HNMT: variants seen among roughly 807,000 people sequenced by gnomAD.
HNMT encodes the protein histamine N-methyltransferase.
In HNMT, 30 loss-of-function variants were observed where a neutral mutation model predicts 32.1. The ratio of observed to expected loss-of-function variants is 0.93; its 90% CI spans 0.70 to 1.27. The LOEUF is 1.27. Ranked by LOEUF, HNMT falls within the 50% of genes most tolerant of loss-of-function variation. The pLI, the probability that HNMT is intolerant of heterozygous loss-of-function variation, is 0.00. For synonymous variants in HNMT, 125 were observed against 119.0 expected (o/e 1.05, Z -0.33); for missense variants, 327 against 346.0 (o/e 0.95, Z 0.43).
chr2:138,013,111 G>T (rs1224235373), intron 5 of HNMT, among the ~76,000 whole-genome samples: 2 of 152,108 alleles, frequency 1.3e-5, no homozygotes, highest in Non-Finnish European at 2.9e-5. Flanking sequence ...TAAAATTCAG[G>T]TCTTCAGTAA....
chr2:137,994,504 G>C (rs1438655809), intron 2 of HNMT, among the ~76,000 whole-genome samples: 1 of 152,114 alleles, frequency 6.6e-6, no homozygotes, highest in African/African-American at 2.4e-5. Context: ...CCCTATACAA[G>C]AGCACCCAGA....
At chr2:137,985,080 T>C (rs968184356) in intron 2 of HNMT, among the ~76,000 whole-genome samples, 32 of 152,176 alleles carry the variant, frequency 2.1e-4, no homozygotes, top group African/African-American at 7.7e-4. Context: ...AATTTTATAA[T>C]GACAGACCAG....
At chr2:137,973,279 T>C (rs561386127) in intron 2 of HNMT, among the ~76,000 whole-genome samples, 1 of 152,326 alleles carries the variant, frequency 6.6e-6, no homozygotes, top group African/African-American at 2.4e-5. Context: ...TGAGTGCTCA[T>C]GTAGCAACTG....
intron 2 of HNMT, among the ~76,000 whole-genome samples, chr2:137,973,949 G>C (rs2104931311): frequency 6.6e-6 from 1 of 152,220 alleles, no homozygotes; most frequent in African/African-American, 2.4e-5. Context: ...CTTCAGTTTA[G>C]ATGCGAAGCA....
Position 138,015,912 on chromosome 2 carries a change from C to T in HNMT, c.*1782C>T, listed in dbSNP as rs1469909633. ...GGCCTTTTTCTCGTCCTTATTAAAC[C>T]CTTAGTATACAAGGATAAATAAATT... On this transcript the variant is annotated 3_prime_UTR_variant, in exon 6 of 6. Coordinates refer to ENST00000280097, the MANE Select transcript of HNMT (RefSeq NM_006895.3). 6.6e-6 allele frequency: 1 copy of T among 152,018 alleles called. No homozygotes were observed. 9.4% of individuals were successfully genotyped at this position (152,018 alleles called of 1,614,324 possible).
chr2:138,002,246 T>C, intron 4 of HNMT, 52 bp downstream of exon 4: 1 of 1,241,644 alleles, frequency 8.1e-7, no homozygotes, highest in East Asian at 2.8e-5. Flanking sequence ...TTTCAGAATA[T>C]ATATATAATG....
At chr2:137,995,766 C>G (rs1324150564) in intron 2 of HNMT, among the ~76,000 whole-genome samples, 1 of 152,048 alleles carries the variant, frequency 6.6e-6, no homozygotes, top group African/African-American at 2.4e-5. Flanking sequence ...GGAAAATCCT[C>G]AATAAAATAC....
Position 138,008,127 on chromosome 2 carries a change from C to T in HNMT, c.523+2902C>T, listed in dbSNP as rs533239279. ...TACCCAATAATAATCTTTTCTGCTCCTCTTTCTCCCCCCACCCTCCATCCT... is the reference window on the plus strand; with the variant it reads ...TACCCAATAATAATCTTTTCTGCTCTTCTTTCTCCCCCCACCCTCCATCCT... On this transcript the variant is annotated intron_variant, in intron 5 of 5. Transcript: ENST00000280097. 3.9e-5 allele frequency among the ~76,000 whole-genome samples: 6 copies of T among 152,096 alleles called. No individual in the cohort carries two copies. The South Asian group carries it at 1.0e-3, about 26-fold the overall frequency.
chr2:137,992,910 A>C (rs1680867373), intron 2 of HNMT, among the ~76,000 whole-genome samples: 1 of 152,128 alleles, frequency 6.6e-6, no homozygotes, highest in Admixed American at 6.6e-5. Flanking sequence ...ATAGGTCCTG[A>C]AGTGAACCCC....
chr2:138,013,983 G>A lies in HNMT; in HGVS notation c.732G>A (p.Leu244=), dbSNP rs906478941. 2.5e-6 allele frequency: 4 copies of A among 1,613,534 alleles called. No individual in the cohort carries two copies. The highest frequency in any genetic ancestry group is 1.7e-6 in the Non-Finnish European group (2 of 1,179,794). Residue 244 remains leucine (L), a synonymous_variant, in exon 6 of 6, where the codon TTG becomes TTA. Coordinates refer to ENST00000280097, the MANE Select transcript of HNMT (RefSeq NM_006895.3). Reference sequence around the variant, plus strand: ...ATGGAGACCTGCTTTGGGATTTTTTGACTGAAACCTGCAACTTTAATGCCA... The same window carrying A: ...ATGGAGACCTGCTTTGGGATTTTTTAACTGAAACCTGCAACTTTAATGCCA... The part of the protein sequence containing the change: ...NENGDLLWDF[L]TETCNFNATA...
chr2:137,994,069 T>A (rs1286471272), intron 2 of HNMT, among the ~76,000 whole-genome samples: 1 of 151,784 alleles, frequency 6.6e-6, no homozygotes, highest in Non-Finnish European at 1.5e-5. Flanking sequence ...CAAAAACACA[T>A]CAAAATATAA....
In HNMT at chr2:137,993,618, A is replaced by G. The variant is rs188097927; in HGVS notation, c.191-7300A>G. Among the ~76,000 whole-genome samples the G allele has an allele frequency of 6.6e-3, 1,006 of 152,348 alleles. 4 individuals are homozygous for G. Among genetic ancestry groups the G allele is most frequent in the Non-Finnish European group, 0.012 (784 of 68,032 alleles). On this transcript the variant is annotated intron_variant, in intron 2 of 5. Transcript: ENST00000280097. Reference sequence around the variant, plus strand: ...GAAAACACACTTCAGGATATTATCCAGGAGAACTTCCTCAATCTAGCAAGA... The same window carrying G: ...GAAAACACACTTCAGGATATTATCCGGGAGAACTTCCTCAATCTAGCAAGA...
At chr2:137,996,592 C>G (rs1361996729) in intron 2 of HNMT, among the ~76,000 whole-genome samples, 1 of 152,196 alleles carries the variant, frequency 6.6e-6, no homozygotes, top group Non-Finnish European at 1.5e-5. Context: ...AATGACCATA[C>G]TGCCCAAATT....
intron 2 of HNMT, among the ~76,000 whole-genome samples, chr2:137,992,760 C>T (rs1333384196): frequency 2.0e-5 from 3 of 152,158 alleles, no homozygotes; most frequent in Non-Finnish European, 4.4e-5. Flanking sequence ...TTGTCAGACA[C>T]CCTATACAGG....
intron 2 of HNMT, among the ~76,000 whole-genome samples, chr2:137,999,431 G>A (rs960383585): frequency 6.6e-6 from 1 of 151,924 alleles, no homozygotes; most frequent in African/African-American, 2.4e-5. Context: ...CACCATGTAC[G>A]CCATCTCCTA....
chr2:138,010,107 T>C (rs1320376396), intron 5 of HNMT, among the ~76,000 whole-genome samples: 1 of 152,036 alleles, frequency 6.6e-6, no homozygotes, highest in Non-Finnish European at 1.5e-5. Flanking sequence ...TTCAGGGTAA[T>C]ATTGTCATCC....
rs760879749 is a variant in HNMT at position 137,981,321 on chromosome 2, G to A, written c.190+11104G>A. On this transcript the variant is annotated intron_variant, in intron 2 of 5. Coordinates refer to ENST00000280097, the MANE Select transcript of HNMT (RefSeq NM_006895.3). ...CCAGGCATGAGGATCCATGATGAGC[G>A]CTCTTCTGAGTTGCCATTTGGAGCT... 8.1e-6 allele frequency: 13 copies of A among 1,613,240 alleles called. No homozygotes were observed. The East Asian group carries it at 1.1e-4, about 14-fold the overall frequency.
intron 5 of HNMT, among the ~76,000 whole-genome samples, chr2:138,011,238 T>G (rs927475333): frequency 6.6e-6 from 1 of 152,134 alleles, no homozygotes; most frequent in African/African-American, 2.4e-5. Context: ...TAACAGAGCC[T>G]CTCTTCAACC....
intron 2 of HNMT, among the ~76,000 whole-genome samples, chr2:137,984,082 A>G (rs1436836457): frequency 3.3e-5 from 5 of 152,170 alleles, no homozygotes; most frequent in Non-Finnish European, 7.4e-5. Context: ...CAGAATACTG[A>G]GTGTTGTGCA....
Sources: gnomAD v4.1 joint callset for allele counts (sites outside exome capture counted in the v4.1 genomes callset) on GRCh38, gnomAD v4.1.1 for gene constraint, MANE v1.5 for transcripts, NCBI Gene and HGNC (gene_info 2026-07-23, HGNC 2026-07-21) for gene names.